Variants in SHISA9 observed in about 807,000 individuals in gnomAD.
SHISA9 encodes the protein protein shisa-9.
A neutral mutation model predicts 38.0 loss-of-function variants in SHISA9; 13 were observed. The ratio of observed to expected loss-of-function variants is 0.34; its 90% CI spans 0.22 to 0.54. The LOEUF is 0.54. Ranked by LOEUF, SHISA9 falls within the 20% of genes least tolerant of loss-of-function variation. The pLI is 0.91. For synonymous variants in SHISA9, 275 were observed against 242.0 expected, an observed-to-expected ratio of 1.14 and a Z score of -1.27; for missense variants, 538 against 575.8, an observed-to-expected ratio of 0.93 and a Z score of 0.67.
At chr16:13,081,295 C>T (rs2073646485) in intron 2 of SHISA9, among the ~76,000 whole-genome samples, 1 of 152,108 alleles carries the variant, frequency 6.6e-6, no homozygotes, top group Non-Finnish European at 1.5e-5. Flanking sequence ...TAGATTGAGA[C>T]CCAAAGCTGT....
chr16:13,025,289 A>T (rs1466434098), intron 2 of SHISA9, among the ~76,000 whole-genome samples: 1 of 152,220 alleles, frequency 6.6e-6, no homozygotes, highest in Non-Finnish European at 1.5e-5. Context: ...TTACCTGGAA[A>T]CTTGTTAGAC....
chr16:13,222,971 C>G (rs931572453), intron 4 of SHISA9, among the ~76,000 whole-genome samples: 1 of 152,154 alleles, frequency 6.6e-6, no homozygotes, highest in African/African-American at 2.4e-5. Context: ...ATGCAACGTC[C>G]TCTACACGAT....
chr16:13,222,490 G>A (rs749775629), intron 4 of SHISA9, among the ~76,000 whole-genome samples: 1 of 152,132 alleles, frequency 6.6e-6, no homozygotes, highest in Non-Finnish European at 1.5e-5. Context: ...AGCAAGTCAG[G>A]TAAAGCAGAA....
chr16:13,348,020 G>T, the SHISA9 span, among the ~76,000 whole-genome samples: 2 of 152,210 alleles, frequency 1.3e-5, no homozygotes, highest in African/African-American at 4.8e-5. Context: ...ACAAGGGTGA[G>T]TGAGGCTTGT....
the SHISA9 span, among the ~76,000 whole-genome samples, chr16:13,414,186 G>C: frequency 1.3e-5 from 2 of 152,120 alleles, no homozygotes; most frequent in Admixed American, 1.3e-4. Context: ...TTATCACCAG[G>C]TTCTTTTTTT....
chr16:13,456,135 A>C, the SHISA9 span, among the ~76,000 whole-genome samples: 2 of 152,242 alleles, frequency 1.3e-5, no homozygotes, highest in Non-Finnish European at 2.9e-5. Flanking sequence ...AATGGAATTG[A>C]AATCTGGCTA....
At chr16:13,362,115 G>A in the SHISA9 span, among the ~76,000 whole-genome samples, 3 of 150,638 alleles carry the variant, frequency 2.0e-5, no homozygotes, top group Admixed American at 1.3e-4. Flanking sequence ...TATAATCCCA[G>A]CACTTTGGGA....
At chr16:13,522,505 C>A in the SHISA9 span, among the ~76,000 whole-genome samples, 8 of 152,234 alleles carry the variant, frequency 5.3e-5, no homozygotes, top group East Asian at 1.5e-3. Flanking sequence ...AGTCCCCCCC[C>A]GATTTCCTTT....
At chr16:13,152,187 T>A (rs1484734863) in intron 2 of SHISA9, among the ~76,000 whole-genome samples, 1 of 152,214 alleles carries the variant, frequency 6.6e-6, no homozygotes, top group Admixed American at 6.5e-5. Context: ...ATGAAAAGTC[T>A]ACCACTCCCT....
At chr16:13,169,309 C>T (rs129123) in intron 2 of SHISA9, among the ~76,000 whole-genome samples, 8,146 of 152,202 alleles carry the variant, frequency 0.054, 295 homozygotes, top group Admixed American at 0.079. Context: ...ACACCATTTG[C>T]GGTGGCAGAA....
chr16:13,452,495 C>G, the SHISA9 span, among the ~76,000 whole-genome samples: 3 of 152,222 alleles, frequency 2.0e-5, no homozygotes, highest in Middle Eastern at 6.8e-3. Flanking sequence ...CTGAGAGAAA[C>G]AACAGAGCTA....
the SHISA9 span, among the ~76,000 whole-genome samples, chr16:13,248,457 A>C: frequency 7.2e-5 from 11 of 152,332 alleles, no homozygotes; most frequent in Non-Finnish European, 1.3e-4. Context: ...GCATGCAGAG[A>C]GAAACCTTGG....
chr16:12,914,324 G>T (rs916472345), intron 1 of SHISA9, among the ~76,000 whole-genome samples: 1 of 151,958 alleles, frequency 6.6e-6, no homozygotes, highest in South Asian at 2.1e-4. Flanking sequence ...GATTACAGGC[G>T]TGAGCCACCG....
At chr16:12,928,726 G>A (rs946749369) in intron 2 of SHISA9, among the ~76,000 whole-genome samples, 2 of 152,204 alleles carry the variant, frequency 1.3e-5, no homozygotes, top group African/African-American at 4.8e-5. Context: ...TGCAAGGGCA[G>A]CATGTGGTAT....
chr16:13,107,782 A>G (rs1253237604), intron 2 of SHISA9, among the ~76,000 whole-genome samples: 1 of 152,144 alleles, frequency 6.6e-6, no homozygotes, highest in Admixed American at 6.6e-5. Context: ...CCAGTAGGCC[A>G]TTTGGAAACA....
chr16:13,196,201 T>A (rs1275389853), intron 2 of SHISA9, among the ~76,000 whole-genome samples: 2 of 139,310 alleles, frequency 1.4e-5, no homozygotes, highest in Non-Finnish European at 3.1e-5. Flanking sequence ...ATTGAGACCA[T>A]CCTGGCTAAG....
At chr16:13,534,716 C>T in the SHISA9 span, among the ~76,000 whole-genome samples, 8 of 152,272 alleles carry the variant, frequency 5.3e-5, no homozygotes, top group Non-Finnish European at 1.0e-4. Flanking sequence ...CTCCTTCAGT[C>T]TTTTTTGCTG....
intron 2 of SHISA9, among the ~76,000 whole-genome samples, chr16:13,144,496 T>A (rs968838650): frequency 2.0e-5 from 3 of 152,130 alleles, no homozygotes; most frequent in African/African-American, 7.2e-5. Flanking sequence ...GGTGTGCATC[T>A]TGTATTCAGT....
intron 2 of SHISA9, among the ~76,000 whole-genome samples, chr16:13,117,098 G>A (rs182441268): frequency 3.3e-5 from 5 of 152,136 alleles, no homozygotes; most frequent in South Asian, 2.1e-4. Flanking sequence ...TCAGCCTCCC[G>A]AGTAGCTGGG....
Sources: gnomAD v4.1 joint callset for allele counts (sites outside exome capture counted in the v4.1 genomes callset) on GRCh38, gnomAD v4.1.1 for gene constraint, MANE v1.5 for transcripts, NCBI Gene and HGNC (gene_info 2026-07-23, HGNC 2026-07-21) for gene names.